Variants in MTNR1A observed in about 807,000 individuals in gnomAD.
The protein encoded by MTNR1A is melatonin receptor type 1A.
In MTNR1A, 7 loss-of-function variants were observed where a neutral mutation model predicts 5.5. That is an observed-to-expected ratio of 1.28 (90% CI 0.73 to 2.40). MTNR1A has a LOEUF of 2.40. Ranked by LOEUF, MTNR1A falls within the 30% of genes most tolerant of loss-of-function variation. The probability of loss-of-function intolerance (pLI) is 0.00; values close to 1 mark genes in which losing one functional copy is unlikely to be tolerated. For synonymous variants in MTNR1A, 196 were observed against 202.7 expected (o/e 0.97, Z 0.28); for missense variants, 441 against 464.4 (o/e 0.95, Z 0.46).
intron 1 of MTNR1A, among the ~76,000 whole-genome samples, chr4:186,539,028 C>A (rs1054905293): frequency 6.6e-6 from 1 of 151,970 alleles, no homozygotes; most frequent in African/African-American, 2.4e-5. Flanking sequence ...ACCATCCTGG[C>A]CAACATGGTG....
At position 186,537,395 on chromosome 4, in the gene MTNR1A, T is replaced by A. The variant is rs116228349; in HGVS notation, c.185-2838A>T. Reference sequence around the variant, plus strand: ...TTCATCTATTCCATTCTCAAATCTATGTAACTCCAGACATATGGACAATCT... The same window carrying A: ...TTCATCTATTCCATTCTCAAATCTAAGTAACTCCAGACATATGGACAATCT... On this transcript the variant is annotated intron_variant, in intron 1 of 1. Coordinates refer to ENST00000307161, the MANE Select transcript of MTNR1A (RefSeq NM_005958.4). Among the ~76,000 whole-genome samples, 837 of 152,334 alleles carry A rather than the reference T, an allele frequency of 5.5e-3. 13 individuals are homozygous for A. The highest frequency in any genetic ancestry group is 0.018 in the African/African-American group (735 of 41,568).
chr4:186,549,807 A>T (rs962973023), intron 1 of MTNR1A, among the ~76,000 whole-genome samples: 1 of 152,164 alleles, frequency 6.6e-6, no homozygotes, highest in African/African-American at 2.4e-5. Context: ...AAATTTACCA[A>T]CCATTTACAT....
At chr4:186,547,168 C>A (rs4861721) in intron 1 of MTNR1A, among the ~76,000 whole-genome samples, 17,742 of 29,350 alleles carry the variant, frequency 0.6, 7,333 homozygotes, top group Non-Finnish European at 0.74. Context: ...CACCCTGTTC[C>A]TGGGACACAC....
In MTNR1A at chr4:186,533,865, T is replaced by C. The variant is rs773197995; in HGVS notation, c.877A>G (p.Ile293Val). The change falls in exon 2 of 2, where the codon ATT becomes GTT. Residue 293 changes from isoleucine to valine, a missense_variant. Physicochemically the swap from Ile to Val is conservative, Grantham distance 29. Transcript: ENST00000307161. ...MAYFNSCLNA[I>V]IYGLLNQNFR... Reference sequence around the variant, plus strand: ...TTTTGGTTCAGTAGCCCGTATATAATGGCATTGAGGCAGCTGTTGAAATAC... The same window carrying C: ...TTTTGGTTCAGTAGCCCGTATATAACGGCATTGAGGCAGCTGTTGAAATAC... The C allele has an allele frequency of 3.0e-5, 48 of 1,614,054 alleles. No individual in the cohort carries two copies. The highest frequency in any genetic ancestry group is 4.0e-5 in the Non-Finnish European group (47 of 1,180,052).
intron 1 of MTNR1A, among the ~76,000 whole-genome samples, chr4:186,539,969 AC>A (rs1454184273): frequency 6.6e-6 from 1 of 152,216 alleles, no homozygotes; most frequent in African/African-American, 2.4e-5. Context: ...CTGGGCAATT[AC>A]AAAAGAAAGA....
chr4:186,555,408 G>T lies in MTNR1A; in HGVS notation c.-43C>A. On this transcript the variant is annotated 5_prime_UTR_variant, in exon 1 of 2. Transcript: ENST00000307161. This position sits in a 1 kb window ranked among gnomAD's most constrained non-coding sequence, Gnocchi z 4.1. ...CGGCCGCGGGGCCATCGCCCGCCTC[G>T]TCCGCCCGCCCGACCACTTGTTAAG... 1 of 1,346,842 alleles carries T rather than the reference G, an allele frequency of 7.4e-7. No homozygotes were observed. The highest frequency in any genetic ancestry group is 2.0e-5 in the South Asian group (1 of 50,900). 83.4% of individuals were successfully genotyped at this position (1,346,842 alleles called of 1,614,324 possible).
chr4:186,539,000 C>T (rs1323865731), intron 1 of MTNR1A, among the ~76,000 whole-genome samples: 2 of 151,942 alleles, frequency 1.3e-5, no homozygotes, highest in African/African-American at 4.8e-5. Context: ...CGGGGGATCA[C>T]GAGGTCACGA....
intron 1 of MTNR1A, among the ~76,000 whole-genome samples, chr4:186,554,912 A>G (rs1194700754): frequency 1.3e-5 from 2 of 152,106 alleles, no homozygotes; most frequent in Non-Finnish European, 2.9e-5. Flanking sequence ...AATCTAATAA[A>G]CCTCAGACAG....
In MTNR1A at chr4:186,555,031, G is replaced by T; in HGVS notation, c.184+151C>A. ...CCTTATGAAAAGGCACTTTCAACGG[G>T]CAGGCTGGAGAAGAGTCCTCTCTAA... On this transcript the variant is annotated intron_variant, in intron 1 of 1. Coordinates refer to ENST00000307161, the MANE Select transcript of MTNR1A (RefSeq NM_005958.4). The surrounding 1 kb of genome is among the most constrained non-coding windows in gnomAD (Gnocchi z 4.1). The T allele has an allele frequency of 2.3e-6, 2 of 885,676 alleles. No individual in the cohort carries two copies. Among genetic ancestry groups the T allele is most frequent in the Non-Finnish European group, 3.5e-6 (2 of 565,030 alleles). 54.9% of individuals were successfully genotyped at this position (885,676 alleles called of 1,614,324 possible). A position where few individuals can be genotyped will look rare whatever the true frequency, so the allele number is the denominator to read the frequency against.
At chr4:186,545,901 G>C (rs1437261002) in intron 1 of MTNR1A, among the ~76,000 whole-genome samples, 1 of 152,068 alleles carries the variant, frequency 6.6e-6, no homozygotes, top group African/African-American at 2.4e-5. Flanking sequence ...GCTTTACTTC[G>C]AGGCATCAAA....
At chr4:186,545,315 GGCACT>G (rs1560896683) in intron 1 of MTNR1A, among the ~76,000 whole-genome samples, 2 of 152,128 alleles carry the variant, frequency 1.3e-5, no homozygotes, top group Admixed American at 6.6e-5. Context: ...GCTGCCCACC[GGCACT>G]GCTCTTCCAT....
intron 1 of MTNR1A, among the ~76,000 whole-genome samples, chr4:186,537,850 G>C (rs945474172): frequency 1.3e-5 from 2 of 152,226 alleles, no homozygotes; most frequent in Non-Finnish European, 2.9e-5. Context: ...ATTTGAACTA[G>C]AACATTCTAA....
In MTNR1A at chr4:186,555,071, C is replaced by G; in HGVS notation, c.184+111G>C. 8.1e-7 allele frequency: 1 copy of G among 1,228,212 alleles called. No individual in the cohort carries two copies. Among genetic ancestry groups the G allele is most frequent in the Non-Finnish European group, 1.2e-6 (1 of 858,484 alleles). 76.1% of individuals were successfully genotyped at this position (1,228,212 alleles called of 1,614,324 possible). The stretch of plus-strand genomic sequence containing the variant: ...GTCCTCTCTAACAGGAAAAATAACT[C>G]CAAGTCCGCAGTGTTTAGGAAAAAG... On this transcript the variant is annotated intron_variant, in intron 1 of 1. Transcript: ENST00000307161. This position sits in a 1 kb window ranked among gnomAD's most constrained non-coding sequence, Gnocchi z 4.1.
At chr4:186,548,001 TA>T in intron 1 of MTNR1A, among the ~76,000 whole-genome samples, 1 of 152,302 alleles carries the variant, frequency 6.6e-6, no homozygotes. Context: ...CTTTCACCCT[TA>T]AATGGAAGAC....
At chr4:186,543,408 G>A (rs936933983) in intron 1 of MTNR1A, among the ~76,000 whole-genome samples, 20 of 152,212 alleles carry the variant, frequency 1.3e-4, no homozygotes, top group Non-Finnish European at 1.3e-4. Flanking sequence ...ACCAGAACAT[G>A]CAAAGAGCCA....
At chr4:186,538,742 A>G (rs1315509144) in intron 1 of MTNR1A, among the ~76,000 whole-genome samples, 1 of 152,214 alleles carries the variant, frequency 6.6e-6, no homozygotes, top group Non-Finnish European at 1.5e-5. Flanking sequence ...TTGAACCCAG[A>G]CTGATACAGA....
At chr4:186,540,286 G>T (rs1182538177) in intron 1 of MTNR1A, among the ~76,000 whole-genome samples, 1 of 152,184 alleles carries the variant, frequency 6.6e-6, no homozygotes, top group Admixed American at 6.5e-5. Context: ...CCCACAGTTG[G>T]CCCTGCAGAC....
At chr4:186,537,660 A>T (rs575306880) in intron 1 of MTNR1A, among the ~76,000 whole-genome samples, 19 of 152,348 alleles carry the variant, frequency 1.2e-4, no homozygotes, top group African/African-American at 4.3e-4. Flanking sequence ...AATTGGATGA[A>T]GTCGTACGAC....
At chr4:186,552,633 C>T (rs138126860) in intron 1 of MTNR1A, among the ~76,000 whole-genome samples, 2 of 152,124 alleles carry the variant, frequency 1.3e-5, no homozygotes, top group East Asian at 1.9e-4. Flanking sequence ...TTCTCATATG[C>T]GCCACTTCAC....
Sources: gnomAD v4.1 joint callset for allele counts (sites outside exome capture counted in the v4.1 genomes callset) on GRCh38, gnomAD v4.1.1 for gene constraint, Gnocchi (gnomAD v3.1) non-coding constraint, MANE v1.5 for transcripts, NCBI Gene and HGNC (gene_info 2026-07-23, HGNC 2026-07-21) for gene names.